The following ATP8B1 variants were observed in gnomAD, a reference collection of about 807,000 sequenced individuals.
ATP8B1 encodes phospholipid-transporting ATPase IC.
Under a neutral mutation model 149.9 loss-of-function variants are expected in ATP8B1, and 80 were observed. The observed-to-expected ratio is 0.53, with a 90% CI of 0.45 to 0.64. The LOEUF (loss-of-function observed/expected upper bound fraction) is 0.64, where lower values mean the gene tolerates loss of function less well. Ranked by LOEUF, ATP8B1 falls within the 30% of genes least tolerant of loss-of-function variation. ATP8B1 has a pLI of 0.00. For synonymous variants in ATP8B1, 536 were observed against 562.8 expected, an observed-to-expected ratio of 0.95 and a Z score of 0.67; for missense variants, 1,247 against 1,552.6, an observed-to-expected ratio of 0.80 and a Z score of 3.31.
chr18:57,771,332 T>C (rs1302955677), intron 1 of ATP8B1, among the ~76,000 whole-genome samples: 1 of 152,234 alleles, frequency 6.6e-6, no homozygotes, highest in Non-Finnish European at 1.5e-5. Flanking sequence ...CCATCACTCA[T>C]TCAGACAGTT....
Position 57,669,607 on chromosome 18 carries a change from A to G in ATP8B1, c.1933-125T>C. On this transcript the variant is annotated intron_variant, in intron 17 of 27. Transcript: ENST00000648908. ...AGAATTTAAAAAGAGATCATTAAAC[A>G]TGACAGATTCTGTACAAATACACTT... The G allele has an allele frequency of 5.4e-6, 5 of 931,062 alleles. 1 individual carries two copies. The highest frequency in any genetic ancestry group is 3.1e-5 in the South Asian group (2 of 64,392). The allele number at this position is 931,062 out of a possible 1,614,324, so 57.7% of individuals were successfully genotyped here.
At chr18:57,795,911 G>C (rs2080510776) in intron 1 of ATP8B1, among the ~76,000 whole-genome samples, 1 of 152,002 alleles carries the variant, frequency 6.6e-6, no homozygotes, top group Non-Finnish European at 1.5e-5. Flanking sequence ...GCTCACACCT[G>C]TAATCCCAAC....
intron 1 of ATP8B1, chr18:57,734,183 C>G (rs945689446): frequency 1.3e-5 from 2 of 152,090 alleles, no homozygotes; most frequent in African/African-American, 4.8e-5. Context: ...AATTGACATA[C>G]ATTATTTTAT....
chr18:57,701,855 C>G (rs113130613), intron 4 of ATP8B1, among the ~76,000 whole-genome samples: 95 of 152,096 alleles, frequency 6.2e-4, no homozygotes, highest in African/African-American at 2.2e-3. Context: ...GCCACCACCC[C>G]CGGCTAATTT....
chr18:57,701,861 A>G (rs1329402465), intron 4 of ATP8B1, among the ~76,000 whole-genome samples: 1 of 151,838 alleles, frequency 6.6e-6, no homozygotes, highest in East Asian at 1.9e-4. Flanking sequence ...ACCCCCGGCT[A>G]ATTTTTTTGT....
intron 16 of ATP8B1, 31 bp from the exon 17 acceptor site, chr18:57,671,611 A>C: frequency 1.3e-6 from 2 of 1,489,224 alleles, no homozygotes; most frequent in Non-Finnish European, 1.9e-6. Flanking sequence ...TAAACACAAC[A>C]AAGTTTGATT....
At chr18:57,680,199 C>A (rs1050566703) in intron 15 of ATP8B1, among the ~76,000 whole-genome samples, 1 of 144,036 alleles carries the variant, frequency 6.9e-6, no homozygotes, top group African/African-American at 2.6e-5. Context: ...ATCACCTGAA[C>A]CTGGGAGGCA....
At chr18:57,746,310 G>A (rs2079963083) in intron 1 of ATP8B1, among the ~76,000 whole-genome samples, 1 of 151,972 alleles carries the variant, frequency 6.6e-6, no homozygotes, top group South Asian at 2.1e-4. Flanking sequence ...CTCATTTTGT[G>A]GGCTTGAAGA....
rs769621578 is a variant in ATP8B1 at position 57,662,602 on chromosome 18, C to A, written c.2299G>T (p.Ala767Ser). ...YGEDINSLLHARMENQRNRGG... is the reference protein window; with the variant it reads ...YGEDINSLLHSRMENQRNRGG... ...CTATTCCTCTGGTTTTCCATCCTTG[C>A]ATGAAGAAGAGAACTAGGGGAAACC... The change falls in exon 21 of 28, where the codon GCA becomes TCA. Residue 767 changes from alanine (A) to serine (S), a missense_variant. Coordinates refer to ENST00000648908, the MANE Select transcript of ATP8B1 (RefSeq NM_001374385.1). 1.2e-5 allele frequency: 19 copies of A among 1,613,980 alleles called. No homozygotes were observed. The highest frequency in any genetic ancestry group is 1.6e-5 in the Non-Finnish European group (19 of 1,180,034).
intron 22 of ATP8B1, among the ~76,000 whole-genome samples, chr18:57,657,557 A>T (rs1396428128): frequency 6.6e-6 from 1 of 152,240 alleles, no homozygotes; most frequent in Middle Eastern, 3.2e-3. Context: ...AACTGTAGTG[A>T]TGTATCCAAA....
chr18:57,732,225 GTATATATGTGTATATATA>G lies in ATP8B1; in HGVS notation c.-25-411_-25-394del, dbSNP rs1176676562. On this transcript the variant is annotated intron_variant, in intron 1 of 27. Coordinates refer to ENST00000648908, the MANE Select transcript of ATP8B1 (RefSeq NM_001374385.1). ...TATATATGTATATATGTGTATATATGTATATATGTGTATATATATGTATATATGTATATATGTGTATAT... is the reference window on the plus strand; with the variant it reads ...TATATATGTATATATGTGTATATATGTGTATATATGTATATATGTGTATAT... Among the ~76,000 whole-genome samples the G allele has an allele frequency of 4.4e-3, 50 of 11,278 alleles. 1 individual carries two copies. In the East Asian group the frequency reaches 0.05, roughly 11 times the overall value. 7.4% of individuals were successfully genotyped at this position (11,278 alleles called of 152,430 possible).
chr18:57,704,143 T>G (rs1348529931), intron 4 of ATP8B1, among the ~76,000 whole-genome samples: 3 of 152,108 alleles, frequency 2.0e-5, no homozygotes, highest in Admixed American at 6.5e-5. Context: ...ATTTTTTGTA[T>G]TTTTAGTAGA....
chr18:57,745,961 T>C (rs2079960259), intron 1 of ATP8B1, among the ~76,000 whole-genome samples: 1 of 152,188 alleles, frequency 6.6e-6, no homozygotes, highest in African/African-American at 2.4e-5. Flanking sequence ...ACGCCTGACC[T>C]AAACATTTTT....
At chr18:57,664,852 A>G (rs1302909378) in intron 20 of ATP8B1, among the ~76,000 whole-genome samples, 1 of 152,230 alleles carries the variant, frequency 6.6e-6, no homozygotes, top group Non-Finnish European at 1.5e-5. Context: ...GGACTCAGTT[A>G]TCTTGTAACT....
intron 6 of ATP8B1, among the ~76,000 whole-genome samples, chr18:57,699,868 C>A (rs191264133): frequency 6.6e-6 from 1 of 152,246 alleles, no homozygotes; most frequent in East Asian, 1.9e-4. Context: ...ATATGTTTAG[C>A]CTGTACCATA....
chr18:57,770,306 C>T (rs1238566438), intron 1 of ATP8B1, among the ~76,000 whole-genome samples: 2 of 152,196 alleles, frequency 1.3e-5, no homozygotes, highest in African/African-American at 4.8e-5. Context: ...TGCCCACCCA[C>T]CCCAGCTGCC....
chr18:57,696,873 CTTGA>C (rs1309104113), intron 8 of ATP8B1, among the ~76,000 whole-genome samples: 3 of 152,182 alleles, frequency 2.0e-5, no homozygotes, highest in Non-Finnish European at 2.9e-5. Context: ...CAATAAATGC[CTTGA>C]AAACTGGTCA....
At chr18:57,675,629 G>T (rs937083507) in intron 15 of ATP8B1, among the ~76,000 whole-genome samples, 1 of 152,052 alleles carries the variant, frequency 6.6e-6, no homozygotes, top group South Asian at 2.1e-4. Context: ...GATCTCCGGG[G>T]CCCAAGTGAT....
chr18:57,684,620 G>T (rs1381289607), intron 14 of ATP8B1, among the ~76,000 whole-genome samples: 2 of 152,194 alleles, frequency 1.3e-5, no homozygotes, highest in Middle Eastern at 3.4e-3. Flanking sequence ...CAAAGTGCTG[G>T]GATTACAGGC....
Sources: gnomAD v4.1 joint callset for allele counts (sites outside exome capture counted in the v4.1 genomes callset) on GRCh38, gnomAD v4.1.1 for gene constraint, MANE v1.5 for transcripts, NCBI Gene and HGNC (gene_info 2026-07-23, HGNC 2026-07-21) for gene names.